The following WDFY4 variants were observed in gnomAD, a reference collection of about 807,000 sequenced individuals.
The protein encoded by WDFY4 is WDFY family member 4, also known as WD repeat- and FYVE domain-containing protein 4.
In WDFY4, 169 loss-of-function variants were observed where a neutral mutation model predicts 351.9. The ratio of observed to expected loss-of-function variants is 0.48; its 90% confidence interval spans 0.42 to 0.55. WDFY4 has a LOEUF of 0.55. Among genes scored for constraint, WDFY4 ranks in the 20% least tolerant of loss-of-function variants. The pLI, the probability that WDFY4 is intolerant of heterozygous loss-of-function variation, is 0.00. For synonymous variants in WDFY4, 1,622 were observed against 1,574.6 expected, an observed-to-expected ratio of 1.03 and a Z score of -0.71; for missense variants, 3,803 against 3,935.6, an observed-to-expected ratio of 0.97 and a Z score of 0.90.
chr10:48,803,324 C>G lies in WDFY4; in HGVS notation c.4449C>G (p.Leu1483=). ...CTGCAGACAATCTGGAGCTCAGCCT[C>G]TTTTCCCATCTTTTGGAAATCCTTC... The part of the protein sequence containing the change: ...MNTADNLELS[L]FSHLLEILQS... Residue 1483 remains leucine (L), a synonymous_variant, in exon 25 of 62, where the codon CTC becomes CTG. Coordinates refer to ENST00000325239, the MANE Select transcript of WDFY4 (RefSeq NM_001394531.1). The G allele has an allele frequency of 6.4e-7, 1 of 1,551,934 alleles. No homozygotes were observed. Among genetic ancestry groups the G allele is most frequent in the Non-Finnish European group, 8.7e-7 (1 of 1,146,982 alleles).
chr10:48,890,544 G>T (rs374571194), intron 43 of WDFY4, 35 bp from the exon 44 acceptor site: 5 of 1,551,288 alleles, frequency 3.2e-6, no homozygotes, highest in Non-Finnish European at 4.4e-6. Context: ...CATGCTTCCT[G>T]TGCACCACCT....
intron 24 of WDFY4, among the ~76,000 whole-genome samples, chr10:48,799,975 T>C (rs894821940): frequency 6.6e-6 from 1 of 152,110 alleles, no homozygotes; most frequent in Admixed American, 6.5e-5. Flanking sequence ...AACCTCTGTC[T>C]CATGGGTTCA....
chr10:48,891,587 T>C (rs1181416774), intron 44 of WDFY4, among the ~76,000 whole-genome samples: 2 of 152,232 alleles, frequency 1.3e-5, no homozygotes, highest in Non-Finnish European at 2.9e-5. Flanking sequence ...ACAAGATGAC[T>C]TCTTAGCCCA....
chr10:48,803,363 G>A lies in WDFY4; in HGVS notation c.4484+4G>A, dbSNP rs2067147265. ...TGGAAATCCTTCAATCACCAAGGTA[G>A]GCTGGGTCTTGGCAGCCTGGGGGTT... On this transcript the variant is annotated splice_donor_region_variant and intron_variant, in intron 25 of 61. Transcript: ENST00000325239. 1.3e-6 allele frequency: 2 copies of A among 1,551,900 alleles called. No individual in the cohort carries two copies. The highest frequency in any genetic ancestry group is 1.7e-6 in the Non-Finnish European group (2 of 1,147,040).
At chr10:48,858,685 C>A (rs1046527610) in intron 39 of WDFY4, among the ~76,000 whole-genome samples, 3 of 152,236 alleles carry the variant, frequency 2.0e-5, no homozygotes, top group South Asian at 4.2e-4. Flanking sequence ...TTTTAACTCT[C>A]CTAGTCCCTT....
At position 48,805,231 on chromosome 10, in the gene WDFY4, T is replaced by C. The variant is rs1488781637; in HGVS notation, c.4485-29T>C. ...AAATTTGGTTCATTCCAGTAAAAGC[T>C]TTTACTGTCTCTCTCCTGTACTCAC... On this transcript the variant is annotated intron_variant, in intron 25 of 61. Transcript: ENST00000325239. 9.8e-6 allele frequency: 15 copies of C among 1,527,480 alleles called. No individual in the cohort carries two copies. In the South Asian group the frequency reaches 1.2e-4, roughly 12 times the overall value. 94.6% of individuals were successfully genotyped at this position (1,527,480 alleles called of 1,614,324 possible). A position where few individuals can be genotyped will look rare whatever the true frequency, so the allele number is the denominator to read the frequency against.
chr10:48,890,793 A>G, intron 44 of WDFY4, 66 bp downstream of exon 44: 4 of 1,539,120 alleles, frequency 2.6e-6, no homozygotes, highest in Middle Eastern at 1.7e-4. Context: ...AGCCGCCCCC[A>G]CTATTCCCCT....
chr10:48,710,349 G>A (rs2063737433), intron 2 of WDFY4, among the ~76,000 whole-genome samples: 2 of 152,156 alleles, frequency 1.3e-5, no homozygotes, highest in African/African-American at 4.8e-5. Context: ...GAGCCAAATT[G>A]TTTTCCAAAG....
intron 44 of WDFY4, among the ~76,000 whole-genome samples, chr10:48,895,436 T>C (rs1443835464): frequency 6.6e-6 from 1 of 152,224 alleles, no homozygotes; most frequent in African/African-American, 2.4e-5. Flanking sequence ...GGGGCCTTTG[T>C]AGCCCTTGGC....
intron 47 of WDFY4, among the ~76,000 whole-genome samples, chr10:48,902,186 C>A (rs556719271): frequency 2.6e-5 from 4 of 152,324 alleles, no homozygotes; most frequent in African/African-American, 9.6e-5. Flanking sequence ...CAGGCCCTCC[C>A]ATGGGGGTGT....
At chr10:48,849,359 T>G (rs2068881974) in intron 39 of WDFY4, among the ~76,000 whole-genome samples, 1 of 152,180 alleles carries the variant, frequency 6.6e-6, no homozygotes, top group Admixed American at 6.5e-5. Context: ...ATCCTGCACA[T>G]CCACCAGGCA....
At chr10:48,913,326 G>A in intron 47 of WDFY4, 1 of 1,489,096 alleles carries the variant, frequency 6.7e-7, no homozygotes, top group Non-Finnish European at 9.1e-7. Context: ...TCCTGTGGAG[G>A]TAGCCCACTG....
intron 4 of WDFY4, 97 bp downstream of exon 4, chr10:48,721,464 T>C: frequency 9.1e-7 from 1 of 1,097,314 alleles, no homozygotes; most frequent in Non-Finnish European, 1.4e-6. Context: ...AGAGGGTCAT[T>C]CGTTTCATAA....
intron 45 of WDFY4, among the ~76,000 whole-genome samples, chr10:48,898,695 T>C (rs1056432268): frequency 2.0e-5 from 3 of 152,164 alleles, no homozygotes; most frequent in African/African-American, 7.2e-5. Flanking sequence ...AGCCCTCTAA[T>C]GAGCACTCTT....
At chr10:48,910,124 G>A in intron 47 of WDFY4, 1 of 1,028,858 alleles carries the variant, frequency 9.7e-7, no homozygotes, top group South Asian at 1.3e-5. Flanking sequence ...CGGCGAGCCT[G>A]GTTTCCAGAA....
At chr10:48,795,491 G>GTGTATATATATATATATA (rs1416892459) in intron 23 of WDFY4, among the ~76,000 whole-genome samples, 1 of 101,240 alleles carries the variant, frequency 9.9e-6, no homozygotes, top group African/African-American at 4.5e-5. Context: ...GTGTGTGTCT[G>GTGTATATATATATATATA]TATATATATA....
intron 47 of WDFY4, among the ~76,000 whole-genome samples, chr10:48,908,403 C>A (rs1837737497): frequency 1.3e-5 from 2 of 152,180 alleles, no homozygotes; most frequent in Non-Finnish European, 2.9e-5. Flanking sequence ...ATTTATTTTG[C>A]AACTTTTTCA....
At chr10:48,842,461 T>C (rs996179606) in intron 39 of WDFY4, among the ~76,000 whole-genome samples, 1 of 152,124 alleles carries the variant, frequency 6.6e-6, no homozygotes, top group African/African-American at 2.4e-5. Flanking sequence ...ACCTGAGCTG[T>C]GGTGCGGTCC....
At chr10:48,873,811 G>A in intron 41 of WDFY4, 114 bp downstream of exon 41, 6 of 1,230,780 alleles carry the variant, frequency 4.9e-6, no homozygotes, top group Non-Finnish European at 6.7e-6. Flanking sequence ...AACACATGCA[G>A]TTAAATGTAG....
Sources: gnomAD v4.1 joint callset for allele counts (sites outside exome capture counted in the v4.1 genomes callset) on GRCh38, gnomAD v4.1.1 for gene constraint, MANE v1.5 for transcripts, NCBI Gene and HGNC (gene_info 2026-07-23, HGNC 2026-07-21) for gene names.